MAST4: variants seen among roughly 807,000 people sequenced by gnomAD.
MAST4 encodes microtubule associated serine/threonine kinase family member 4.
Under a neutral mutation model 162.7 loss-of-function variants are expected in MAST4, and 89 were observed. That is an observed-to-expected ratio of 0.55 (90% CI 0.46 to 0.65). The LOEUF is 0.65. MAST4 is among the 30% of genes least tolerant of loss of function. MAST4 has a pLI of 0.00. For synonymous variants in MAST4, 1,479 were observed against 1,361.1 expected, an observed-to-expected ratio of 1.09 and a Z score of -1.91; for missense variants, 3,153 against 3,374.0, an observed-to-expected ratio of 0.93 and a Z score of 1.62.
At chr5:66,844,368 G>A (rs1028050997) in intron 3 of MAST4, among the ~76,000 whole-genome samples, 1 of 152,040 alleles carries the variant, frequency 6.6e-6, no homozygotes, top group Non-Finnish European at 1.5e-5. Flanking sequence ...GTATAAGAAT[G>A]TTGATTTCTT....
intron 3 of MAST4, among the ~76,000 whole-genome samples, chr5:66,832,130 T>G (rs1757646510): frequency 6.6e-6 from 1 of 152,126 alleles, no homozygotes. Context: ...CCAGAGCGGC[T>G]GACGATGCCT....
At chr5:67,081,733 T>C (rs1053816348) in intron 5 of MAST4, among the ~76,000 whole-genome samples, 1 of 152,228 alleles carries the variant, frequency 6.6e-6, no homozygotes, top group Non-Finnish European at 1.5e-5. Context: ...TTGACATATA[T>C]AGTATTTTAT....
intron 3 of MAST4, among the ~76,000 whole-genome samples, chr5:66,821,400 T>A (rs1756989018): frequency 1.3e-5 from 2 of 152,180 alleles, no homozygotes; most frequent in Non-Finnish European, 2.9e-5. Flanking sequence ...AGAAAATCTG[T>A]GGTTTTGGTA....
chr5:66,991,461 C>G (rs933119178), intron 4 of MAST4, among the ~76,000 whole-genome samples: 1 of 152,162 alleles, frequency 6.6e-6, no homozygotes, highest in Admixed American at 6.5e-5. Context: ...ATTTGAGTGA[C>G]TGGGCCAGTG....
Position 67,165,317 on chromosome 5 carries a change from T to C in MAST4, c.6138T>C (p.Asp2046=). 6.2e-7 allele frequency: 1 copy of C among 1,613,480 alleles called. No homozygotes were observed. The highest frequency in any genetic ancestry group is 8.5e-7 in the Non-Finnish European group (1 of 1,179,854). Reference sequence around the variant, plus strand: ...CGGGTGGGAAAACGAACCACAAAGATGGCCCAGGTGAGGCGAGGCCCCCGC... The same window carrying C: ...CGGGTGGGAAAACGAACCACAAAGACGGCCCAGGTGAGGCGAGGCCCCCGC... ...WAPGGKTNHK[D]GPGEARPPPR... is the part of the protein sequence containing the mutation. The change falls in exon 29 of 29, where the codon GAT becomes GAC. Residue 2046 remains aspartate, a synonymous_variant. Transcript: ENST00000403625.
Position 67,166,773 on chromosome 5 carries a change from G to C in MAST4, c.7594G>C (p.Glu2532Gln). The change falls in exon 29 of 29, where the codon GAG (glutamate) becomes CAG (glutamine). Residue 2532 changes from glutamate (E) to glutamine (Q), a missense_variant. Around this residue, in one of 7 missense-constraint regions of MAST4, gnomAD observed 1,644 missense variants for 1,495.0 expected, o/e 1.10. Transcript: ENST00000403625. ...PSFRVSTLPLESHHPDPNTMG... is the reference protein window; with the variant it reads ...PSFRVSTLPLQSHHPDPNTMG... ...CTTCCGGGTCTCCACCCTGCCTCTG[G>C]AGTCACACCACCCCGACCCAAACAC... is the stretch of plus-strand genomic sequence containing the variant. The C allele has an allele frequency of 1.2e-6, 2 of 1,601,818 alleles. No individual in the cohort carries two copies. Among genetic ancestry groups the C allele is most frequent in the Non-Finnish European group, 1.7e-6 (2 of 1,174,730 alleles).
At chr5:67,096,006 CATTATGCTAAAA>C (rs1764423003) in intron 7 of MAST4, among the ~76,000 whole-genome samples, 1 of 151,942 alleles carries the variant, frequency 6.6e-6, no homozygotes, top group African/African-American at 2.4e-5. Flanking sequence ...ATGCCAGTGA[CATTATGCTAAAA>C]ATGCCATTGA....
At chr5:67,024,350 C>CATATAGATAGCTAT (rs1421883117) in intron 4 of MAST4, among the ~76,000 whole-genome samples, 1 of 143,904 alleles carries the variant, frequency 6.9e-6, no homozygotes, top group African/African-American at 2.7e-5. Flanking sequence ...CACACACACA[C>CATATAGATAGCTAT]ACATACATAT....
At chr5:67,109,897 TAGAA>T (rs1766024698) in intron 10 of MAST4, among the ~76,000 whole-genome samples, 197 bp from the exon 11 acceptor site, 1 of 152,238 alleles carries the variant, frequency 6.6e-6, no homozygotes, top group Non-Finnish European at 1.5e-5. Flanking sequence ...GTTTAGCTAA[TAGAA>T]AGATTTTGTA....
rs747532694 is a variant in MAST4 at position 67,166,745 on chromosome 5, C to T, written c.7566C>T (p.Pro2522=). The T allele has an allele frequency of 1.9e-6, 3 of 1,593,290 alleles. No homozygotes were observed. Among genetic ancestry groups the T allele is most frequent in the Non-Finnish European group, 2.6e-6 (3 of 1,170,318 alleles). Residue 2522 remains proline (P), a synonymous_variant, in exon 29 of 29, where the codon CCC becomes CCT. Transcript: ENST00000403625. The stretch of plus-strand genomic sequence containing the variant: ...ACATGACAAAGAGTGACTCCCTGCC[C>T]TCCTTCCGGGTCTCCACCCTGCCTC... The part of the protein sequence containing the change: ...RTHMTKSDSL[P]SFRVSTLPLE...
Position 66,953,085 on chromosome 5 carries a change from C to T in MAST4, c.674+53103C>T, listed in dbSNP as rs186015291. Among the ~76,000 whole-genome samples the T allele has an allele frequency of 9.2e-5, 14 of 152,330 alleles. No individual in the cohort carries two copies. In the East Asian group the frequency reaches 2.5e-3, roughly 27 times the overall value. On this transcript the variant is annotated intron_variant, in intron 4 of 28. Transcript: ENST00000403625. ...GAGACAATGACAATGTTAATAACTT[C>T]ATCTAACCTTTGCTGGCTTATGTGA...
chr5:67,078,740 A>T (rs1377456924), intron 5 of MAST4, among the ~76,000 whole-genome samples: 2 of 110,902 alleles, frequency 1.8e-5, no homozygotes, highest in African/African-American at 8.3e-5. Context: ...ATTTATCTAA[A>T]TATATATTTA....
At chr5:66,705,435 G>T (rs62359998) in intron 1 of MAST4, among the ~76,000 whole-genome samples, 1 of 151,960 alleles carries the variant, frequency 6.6e-6, no homozygotes, top group Admixed American at 6.6e-5. Context: ...AGATATAAAT[G>T]ATAAAAGGAA....
chr5:67,102,423 T>G (rs1239622834), intron 8 of MAST4, 113 bp from the exon 9 acceptor site: 1 of 936,062 alleles, frequency 1.1e-6, no homozygotes, highest in East Asian at 2.4e-5. Flanking sequence ...CTGATATACT[T>G]TTCTTACAAA....
At chr5:67,037,946 C>CA (rs1282207655) in intron 4 of MAST4, among the ~76,000 whole-genome samples, 5 of 149,624 alleles carry the variant, frequency 3.3e-5, no homozygotes, top group South Asian at 4.2e-4. Context: ...TACAATAATC[C>CA]AAAAAAAAAT....
chr5:67,056,061 A>G (rs7707409), intron 5 of MAST4, among the ~76,000 whole-genome samples: 31,370 of 149,256 alleles, frequency 0.21, 3,618 homozygotes, highest in Non-Finnish European at 0.25. Context: ...ATTATATTCT[A>G]TATATTCACT....
intron 26 of MAST4, among the ~76,000 whole-genome samples, chr5:67,155,001 A>G (rs1457778717): frequency 5.3e-5 from 8 of 152,202 alleles, no homozygotes. Flanking sequence ...ACAGTGTTTT[A>G]TACTTGCAAA....
intron 4 of MAST4, among the ~76,000 whole-genome samples, chr5:66,953,516 T>C (rs549719334): frequency 6.6e-6 from 1 of 152,220 alleles, no homozygotes; most frequent in East Asian, 1.9e-4. Context: ...GAGACCCTGA[T>C]AATTAGGTTT....
At chr5:67,040,520 A>G (rs1375050231) in intron 4 of MAST4, among the ~76,000 whole-genome samples, 3 of 152,196 alleles carry the variant, frequency 2.0e-5, no homozygotes, top group Non-Finnish European at 4.4e-5. Flanking sequence ...CTGGGATAAA[A>G]CTCATGCCCC....
Sources: gnomAD v4.1 joint callset for allele counts (sites outside exome capture counted in the v4.1 genomes callset) on GRCh38, gnomAD v4.1.1 for gene constraint, gnomAD v4.1.1 regional missense constraint, MANE v1.5 for transcripts, NCBI Gene and HGNC (gene_info 2026-07-23, HGNC 2026-07-21) for gene names.